TDRD9: variants seen among roughly 807,000 people sequenced by gnomAD.
TDRD9 encodes ATP-dependent RNA helicase TDRD9.
A neutral mutation model predicts 172.6 loss-of-function variants in TDRD9; 124 were observed. The observed-to-expected ratio is 0.72, with a 90% CI of 0.62 to 0.83. The LOEUF is 0.83. TDRD9 is among the 40% of genes least tolerant of loss of function. The probability of loss-of-function intolerance (pLI) is 0.00; values close to 1 mark genes in which losing one functional copy is unlikely to be tolerated. For missense variants in TDRD9, 1,479 were observed against 1,714.1 expected (o/e 0.86, Z 2.42); for synonymous variants, 619 against 617.1 (o/e 1.00, Z -0.05).
intron 5 of TDRD9, among the ~76,000 whole-genome samples, chr14:103,970,046 T>A (rs2032950806): frequency 6.6e-6 from 1 of 152,204 alleles, no homozygotes; most frequent in Admixed American, 6.5e-5. Context: ...GTTATGCACA[T>A]CATGGAATGT....
chr14:104,049,174 G>A (rs986764342), intron 34 of TDRD9, among the ~76,000 whole-genome samples: 2 of 151,240 alleles, frequency 1.3e-5, no homozygotes, highest in Non-Finnish European at 2.9e-5. Context: ...ATACAGTTTT[G>A]CCTTGTTTTA....
intron 22 of TDRD9, 113 bp downstream of exon 22, chr14:104,016,201 A>G (rs1456850075): frequency 1.4e-6 from 1 of 737,540 alleles, no homozygotes; most frequent in Admixed American, 2.6e-5. Flanking sequence ...TGGCGTGAAT[A>G]TTAGGCTTGT....
At chr14:104,005,720 G>A (rs908679875) in intron 15 of TDRD9, among the ~76,000 whole-genome samples, 9 of 152,220 alleles carry the variant, frequency 5.9e-5, no homozygotes, top group African/African-American at 2.2e-4. Flanking sequence ...CTTGGTACAA[G>A]CTGTATCCTA....
intron 32 of TDRD9, among the ~76,000 whole-genome samples, chr14:104,039,142 G>A (rs1486808001): frequency 6.6e-6 from 1 of 152,186 alleles, no homozygotes; most frequent in African/African-American, 2.4e-5. Flanking sequence ...GCAGCAAGGA[G>A]AAGTGCCGAG....
chr14:103,950,271 G>A (rs1341895187), intron 1 of TDRD9, among the ~76,000 whole-genome samples: 1 of 150,958 alleles, frequency 6.6e-6, no homozygotes, highest in Non-Finnish European at 1.5e-5. Flanking sequence ...GTTATTTTTA[G>A]TAGAGACAGG....
At chr14:104,051,920 A>G in intron 35 of TDRD9, 61 bp from the exon 36 acceptor site, 2 of 1,099,730 alleles carry the variant, frequency 1.8e-6, no homozygotes, top group Non-Finnish European at 2.7e-6. Flanking sequence ...ATGCATGTGT[A>G]TTTTATGTCT....
At chr14:103,987,069 G>A (rs2033687996) in intron 8 of TDRD9, among the ~76,000 whole-genome samples, 2 of 151,850 alleles carry the variant, frequency 1.3e-5, no homozygotes, top group South Asian at 2.1e-4. Context: ...AGCTGAGATC[G>A]TGCCACTGCA....
In TDRD9 at chr14:104,008,483, G is replaced by C. The variant is rs2034514995; in HGVS notation, c.2106+17G>C. 6.7e-7 allele frequency: 1 copy of C among 1,490,250 alleles called. No individual in the cohort carries two copies. The highest frequency in any genetic ancestry group is 1.4e-5 in the African/African-American group (1 of 72,226). 92.3% of individuals were successfully genotyped at this position (1,490,250 alleles called of 1,614,324 possible). ...ATTAGAGAGGTAAGTTAAGTTTTTT[G>C]ACCAAATGGATGCAAATAAAGTTGA... On this transcript the variant is annotated intron_variant, in intron 20 of 35. Transcript: ENST00000409874.
At chr14:104,001,981 G>A (rs1295625576) in intron 13 of TDRD9, among the ~76,000 whole-genome samples, 2 of 151,618 alleles carry the variant, frequency 1.3e-5, no homozygotes, top group Admixed American at 6.6e-5. Flanking sequence ...CATGAGCAAT[G>A]TGTGAGATCT....
At chr14:103,984,662 C>T (rs951471700) in intron 7 of TDRD9, among the ~76,000 whole-genome samples, 2 of 152,178 alleles carry the variant, frequency 1.3e-5, no homozygotes, top group Non-Finnish European at 2.9e-5. Context: ...TCTGCTAGGG[C>T]AGAGCAGAAG....
At chr14:104,013,765 A>G (rs895299175) in intron 20 of TDRD9, 1 of 152,090 alleles carries the variant, frequency 6.6e-6, no homozygotes, top group South Asian at 2.1e-4. Context: ...ATTAAACGCA[A>G]CACTGATGTG....
chr14:104,002,633 T>C (rs1182839646), intron 13 of TDRD9, among the ~76,000 whole-genome samples: 1 of 152,148 alleles, frequency 6.6e-6, no homozygotes, highest in Non-Finnish European at 1.5e-5. Flanking sequence ...TTTTTACATA[T>C]CTAGTTAGGT....
In TDRD9 at chr14:103,938,430, A is replaced by ATT. The variant is rs1566723244; in HGVS notation, c.215+9707_215+9708insTT. On this transcript the variant is annotated intron_variant, in intron 1 of 35. Coordinates refer to ENST00000409874, the MANE Select transcript of TDRD9 (RefSeq NM_153046.3). Reference sequence around the variant, plus strand: ...TGTGTGTGTGTATATATATATATATATATATATATATTTTTTTTTTTTTTT... The same window carrying ATT: ...TGTGTGTGTGTATATATATATATATATTTATATATATATTTTTTTTTTTTTTT... 1.5e-4 allele frequency among the ~76,000 whole-genome samples: 6 copies of ATT among 39,928 alleles called. 1 individual carries two copies. Among genetic ancestry groups the ATT allele is most frequent in the African/African-American group, 4.3e-4 (4 of 9,270 alleles). 26.2% of individuals were successfully genotyped at this position (39,928 alleles called of 152,430 possible).
intron 1 of TDRD9, among the ~76,000 whole-genome samples, chr14:103,930,098 C>T (rs1428136063): frequency 6.6e-6 from 1 of 152,200 alleles, no homozygotes. Flanking sequence ...GGGAGAAGTA[C>T]TTCCAGCTTG....
In TDRD9 at chr14:103,982,248, G is replaced by A. The variant is rs967092967; in HGVS notation, c.1012-3969G>A. Among the ~76,000 whole-genome samples the A allele has an allele frequency of 8.6e-5, 13 of 152,038 alleles. 1 individual carries two copies. Among genetic ancestry groups the A allele is most frequent in the Non-Finnish European group, 1.5e-4 (10 of 68,012 alleles). ...ATAACTGAAGCTCTTTCACCTTTGC[G>A]AACACCCACCTTAGGTCTCAGGCTG... On this transcript the variant is annotated intron_variant, in intron 7 of 35. Transcript: ENST00000409874.
intron 22 of TDRD9, among the ~76,000 whole-genome samples, chr14:104,017,334 G>A (rs2034824927): frequency 6.6e-6 from 1 of 152,078 alleles, no homozygotes; most frequent in Admixed American, 6.5e-5. Flanking sequence ...TGTGTGTTAG[G>A]TACTTTTCAT....
chr14:103,975,644 G>A (rs79430291), intron 7 of TDRD9, 91 bp downstream of exon 7: 67,894 of 1,282,164 alleles, frequency 0.053, 2,112 homozygotes, highest in Non-Finnish European at 0.062. Context: ...AAGGCCCTGC[G>A]AGAAAATTAT....
intron 6 of TDRD9, among the ~76,000 whole-genome samples, chr14:103,973,049 G>C (rs11623042): frequency 0.51 from 77,858 of 152,018 alleles, 21,015 homozygotes; most frequent in South Asian, 0.62. Context: ...AGTTAGACAA[G>C]TGTTAGTGGA....
intron 3 of TDRD9, 100 bp downstream of exon 3, chr14:103,963,276 A>T: frequency 1.2e-6 from 1 of 837,516 alleles, no homozygotes; most frequent in Non-Finnish European, 1.9e-6. Context: ...TGCCAGGTGA[A>T]CACTTCTGTG....
Sources: gnomAD v4.1 joint callset for allele counts (sites outside exome capture counted in the v4.1 genomes callset) on GRCh38, gnomAD v4.1.1 for gene constraint, MANE v1.5 for transcripts, NCBI Gene and HGNC (gene_info 2026-07-23, HGNC 2026-07-21) for gene names.